The following MFHAS1 variants were observed in gnomAD, a reference collection of about 807,000 sequenced individuals.
The protein encoded by MFHAS1 is multifunctional ROCO family signaling regulator 1, also known as malignant fibrous histiocytoma-amplified sequence 1.
In MFHAS1, 50 loss-of-function variants were observed where a neutral mutation model predicts 70.4. The ratio of observed to expected loss-of-function variants is 0.71; its 90% CI spans 0.57 to 0.90. The LOEUF (loss-of-function observed/expected upper bound fraction) is 0.90. Ranked by LOEUF, MFHAS1 falls within the 40% of genes least tolerant of loss-of-function variation. The pLI is 0.00. For missense variants in MFHAS1, 1,795 were observed against 1,347.6 expected, an observed-to-expected ratio of 1.33 and a Z score of -5.20; for synonymous variants, 952 against 620.0, an observed-to-expected ratio of 1.54 and a Z score of -7.96.
At chr8:8,793,277 A>G (rs17154743) in intron 2 of MFHAS1, among the ~76,000 whole-genome samples, 31,032 of 152,220 alleles carry the variant, frequency 0.2, 3,467 homozygotes, top group African/African-American at 0.28. Context: ...AAAAGCTTGG[A>G]ATTCATTTAA....
intron 1 of MFHAS1, among the ~76,000 whole-genome samples, chr8:8,864,439 C>T (rs1422367544): frequency 2.0e-5 from 3 of 152,166 alleles, no homozygotes; most frequent in Non-Finnish European, 2.9e-5. Flanking sequence ...ATCAGAATCA[C>T]CAAGTAAAAA....
intron 1 of MFHAS1, among the ~76,000 whole-genome samples, chr8:8,847,710 G>A (rs908243505): frequency 1.3e-5 from 2 of 152,150 alleles, no homozygotes; most frequent in Admixed American, 6.5e-5. Flanking sequence ...GCACACTCTG[G>A]ACCTTCAGAA....
intron 1 of MFHAS1, among the ~76,000 whole-genome samples, chr8:8,853,109 G>C (rs1808307113): frequency 6.6e-6 from 1 of 152,014 alleles, no homozygotes; most frequent in Non-Finnish European, 1.5e-5. Context: ...GCCCCTGCAG[G>C]CTCCATTTCT....
chr8:8,890,872 G>A lies in MFHAS1; in HGVS notation c.2187C>T (p.Asn729=), dbSNP rs771590776. 1 of 1,614,120 alleles carries A rather than the reference G, an allele frequency of 6.2e-7. No individual in the cohort carries two copies. Among genetic ancestry groups the A allele is most frequent in the Non-Finnish European group, 8.5e-7 (1 of 1,180,018 alleles). The change falls in exon 1 of 3, where the codon AAC becomes AAT. Residue 729 remains asparagine (N), a synonymous_variant. Coordinates refer to ENST00000276282, the MANE Select transcript of MFHAS1 (RefSeq NM_004225.3). ...SPALKEHVFH[N]LTRLIDILNV... ...TGAGGATGTCGATGAGGCGGGTGAG[G>A]TTGTGGAAGACGTGCTCCTTGAGAG... is the stretch of plus-strand genomic sequence containing the variant.
intron 1 of MFHAS1, among the ~76,000 whole-genome samples, chr8:8,850,807 G>C (rs376851798): frequency 2.2e-5 from 2 of 91,158 alleles, no homozygotes; most frequent in African/African-American, 8.6e-5. Context: ...GTGAAACTCC[G>C]TCTCAAAAAA....
chr8:8,849,724 T>C (rs1808171203), intron 1 of MFHAS1, among the ~76,000 whole-genome samples: 1 of 152,200 alleles, frequency 6.6e-6, no homozygotes, highest in Non-Finnish European at 1.5e-5. Context: ...AAACTATTTG[T>C]CTAAACTTCA....
intron 1 of MFHAS1, among the ~76,000 whole-genome samples, chr8:8,855,591 C>T (rs537720832): frequency 6.6e-6 from 1 of 152,300 alleles, no homozygotes; most frequent in South Asian, 2.1e-4. Flanking sequence ...CACGGTGGCT[C>T]ACACCTGTAA....
intron 1 of MFHAS1, among the ~76,000 whole-genome samples, chr8:8,820,625 C>T (rs560589836): frequency 2.0e-5 from 3 of 152,092 alleles, no homozygotes; most frequent in Non-Finnish European, 4.4e-5. Flanking sequence ...TCCTTGCATC[C>T]CCTTGAGGAA....
intron 1 of MFHAS1, among the ~76,000 whole-genome samples, chr8:8,799,515 C>G (rs373176423): frequency 1.3e-5 from 2 of 152,240 alleles, no homozygotes; most frequent in East Asian, 3.9e-4. Flanking sequence ...CAGCACTTTG[C>G]GAGGCAAAGA....
chr8:8,848,832 A>G (rs1808131395), intron 1 of MFHAS1, among the ~76,000 whole-genome samples: 1 of 152,200 alleles, frequency 6.6e-6, no homozygotes, highest in Non-Finnish European at 1.5e-5. Context: ...ATTTAATCAA[A>G]CAGTGCGAAG....
chr8:8,814,429 A>C (rs1301092577), intron 1 of MFHAS1, among the ~76,000 whole-genome samples: 1 of 152,210 alleles, frequency 6.6e-6, no homozygotes, highest in African/African-American at 2.4e-5. Context: ...AGGTTTGTGT[A>C]AGTGCACTCT....
intron 1 of MFHAS1, among the ~76,000 whole-genome samples, chr8:8,841,902 G>A (rs544023857): frequency 2.6e-5 from 4 of 152,292 alleles, no homozygotes; most frequent in Non-Finnish European, 4.4e-5. Context: ...GAGATTTTCT[G>A]CATTTAAAGA....
chr8:8,833,095 A>C (rs1446980935), intron 1 of MFHAS1, among the ~76,000 whole-genome samples: 2 of 152,142 alleles, frequency 1.3e-5, no homozygotes, highest in Admixed American at 6.5e-5. Flanking sequence ...AGAGAAGGGA[A>C]GGTGCCACAC....
chr8:8,877,095 T>C (rs1457999846), intron 1 of MFHAS1, among the ~76,000 whole-genome samples: 1 of 151,928 alleles, frequency 6.6e-6, no homozygotes, highest in African/African-American at 2.4e-5. Flanking sequence ...AGCCCAGGAA[T>C]TTGAGACCAG....
rs139200475 is a variant in MFHAS1, at chr8:8,891,735, C to T, written c.1324G>A (p.Asp442Asn). 4 of 1,613,298 alleles carry T rather than the reference C, an allele frequency of 2.5e-6. No homozygotes were observed. The African/African-American group carries it at 5.3e-5, about 22-fold the overall frequency. Residue 442 changes from aspartate (D) to asparagine (N), a missense_variant, in exon 1 of 3, where the codon GAC (aspartate) becomes AAC (asparagine). Transcript: ENST00000276282. The surrounding 1 kb of genome is among the most constrained non-coding windows in gnomAD (Gnocchi z 5.4). ...ERVEGCPGGG[D>N]KEKCYPPSPP... ...GACGGTGGGTAGCACTTCTCCTTGT[C>T]CCCTCCTCCTGGGCATCCCTCCACT... is the stretch of plus-strand genomic sequence containing the variant.
chr8:8,854,600 G>A (rs1216638926), intron 1 of MFHAS1, among the ~76,000 whole-genome samples: 1 of 151,462 alleles, frequency 6.6e-6, no homozygotes, highest in Non-Finnish European at 1.5e-5. Context: ...TATGAGAATT[G>A]CTTGAACCTT....
intron 1 of MFHAS1, among the ~76,000 whole-genome samples, chr8:8,877,878 C>G (rs1421105001): frequency 6.6e-6 from 1 of 152,194 alleles, no homozygotes; most frequent in African/African-American, 2.4e-5. Flanking sequence ...ACAAAGAAGT[C>G]TCTCCCTTAC....
intron 1 of MFHAS1, among the ~76,000 whole-genome samples, chr8:8,857,348 C>A (rs1203319632): frequency 1.3e-5 from 2 of 152,202 alleles, no homozygotes; most frequent in Non-Finnish European, 2.9e-5. Flanking sequence ...AATGAGATAT[C>A]TTCCAGGCCA....
intron 1 of MFHAS1, among the ~76,000 whole-genome samples, chr8:8,863,089 C>T (rs564718733): frequency 5.3e-5 from 8 of 152,292 alleles, no homozygotes; most frequent in East Asian, 1.9e-4. Context: ...TTTGGCACCA[C>T]TTGAAAATAT....
Sources: allele counts gnomAD v4.1 joint callset (sites outside exome capture counted in the v4.1 genomes callset), GRCh38; gene constraint gnomAD v4.1.1; non-coding constraint Gnocchi (gnomAD v3.1); transcripts MANE v1.5; gene names NCBI Gene and HGNC (gene_info 2026-07-23, HGNC 2026-07-21).